PCDH15: variants seen among roughly 807,000 people sequenced by gnomAD.
PCDH15 encodes protocadherin-15.
A neutral mutation model predicts 178.5 loss-of-function variants in PCDH15; 129 were observed. The ratio of observed to expected loss-of-function variants is 0.72; its 90% confidence interval spans 0.63 to 0.84. The LOEUF (loss-of-function observed/expected upper bound fraction) is 0.84, where lower values mean the gene tolerates loss of function less well. Among genes scored for constraint, PCDH15 ranks in the 40% least tolerant of loss-of-function variants. The pLI is 0.00. For missense variants in PCDH15, 2,230 were observed against 2,099.9 expected, an observed-to-expected ratio of 1.06 and a Z score of -1.21; for synonymous variants, 800 against 732.0, an observed-to-expected ratio of 1.09 and a Z score of -1.50.
chr10:54,091,869 C>T (rs969669603), intron 15 of PCDH15, among the ~76,000 whole-genome samples: 1 of 152,076 alleles, frequency 6.6e-6, no homozygotes, highest in Non-Finnish European at 1.5e-5. Context: ...ATTTAGTCAA[C>T]TCATTCAACA....
chr10:54,751,743 A>G (rs138278910), intron 1 of PCDH15, among the ~76,000 whole-genome samples: 1 of 152,278 alleles, frequency 6.6e-6, no homozygotes, highest in East Asian at 1.9e-4. Context: ...GTCCAATCTA[A>G]AGGATGAAAG....
chr10:54,903,750 A>G (rs1954677203), intron 2 of PCDH15, among the ~76,000 whole-genome samples: 1 of 152,144 alleles, frequency 6.6e-6, no homozygotes, highest in Non-Finnish European at 1.5e-5. Flanking sequence ...TTCTAAAACA[A>G]CTCAGAGGAA....
At chr10:55,428,845 T>A (rs1838818422) in intron 2 of PCDH15, among the ~76,000 whole-genome samples, 1 of 152,004 alleles carries the variant, frequency 6.6e-6, no homozygotes, top group African/African-American at 2.4e-5. Context: ...TTTCCTTTAT[T>A]GGCTTATTTT....
chr10:54,813,785 C>T (rs563785591), intron 3 of PCDH15, among the ~76,000 whole-genome samples: 3 of 152,284 alleles, frequency 2.0e-5, no homozygotes, highest in Admixed American at 6.5e-5. Context: ...GATTAAGTCA[C>T]ATCTCATTTA....
intron 2 of PCDH15, among the ~76,000 whole-genome samples, chr10:55,404,327 T>C (rs995623878): frequency 6.6e-6 from 1 of 152,012 alleles, no homozygotes; most frequent in Non-Finnish European, 1.5e-5. Flanking sequence ...GATATTATGA[T>C]TGATGAGACA....
At chr10:55,385,091 T>G (rs182076033) in intron 2 of PCDH15, among the ~76,000 whole-genome samples, 6 of 152,334 alleles carry the variant, frequency 3.9e-5, no homozygotes, top group Admixed American at 2.6e-4. Flanking sequence ...CATACCATTA[T>G]GATAAAACTC....
intron 2 of PCDH15, among the ~76,000 whole-genome samples, chr10:55,605,193 C>A (rs970064265): frequency 6.6e-6 from 1 of 151,464 alleles, no homozygotes; most frequent in Non-Finnish European, 1.5e-5. Flanking sequence ...AAGACTAAAC[C>A]AGGAAGAAGT....
intron 18 of PCDH15, among the ~76,000 whole-genome samples, chr10:54,027,595 A>T (rs1208025421): frequency 6.3e-4 from 94 of 148,668 alleles, no homozygotes; most frequent in Non-Finnish European, 1.1e-3. Context: ...AAACAGAGAT[A>T]TAGATCAATG....
intron 3 of PCDH15, among the ~76,000 whole-genome samples, chr10:54,491,067 A>G (rs751082691): frequency 1.3e-5 from 2 of 152,168 alleles, no homozygotes; most frequent in Non-Finnish European, 2.9e-5. Context: ...GTATAAGGGA[A>G]AGGCAGCTAT....
At chr10:54,590,480 G>A (rs1301349614) in intron 2 of PCDH15, among the ~76,000 whole-genome samples, 1 of 152,114 alleles carries the variant, frequency 6.6e-6, no homozygotes, top group Non-Finnish European at 1.5e-5. Context: ...AGAATACAGA[G>A]GTTTACACAT....
chr10:54,136,441 G>A (rs958047994), intron 14 of PCDH15, among the ~76,000 whole-genome samples: 9 of 148,384 alleles, frequency 6.1e-5, no homozygotes, highest in African/African-American at 2.2e-4. Flanking sequence ...CTGCAGATTC[G>A]AAGCTTTCTT....
At chr10:54,707,632 T>G (rs1403215035) in intron 1 of PCDH15, among the ~76,000 whole-genome samples, 1 of 152,216 alleles carries the variant, frequency 6.6e-6, no homozygotes, top group Non-Finnish European at 1.5e-5. Flanking sequence ...CCTGCATTTA[T>G]TTCAAAATAA....
intron 8 of PCDH15, among the ~76,000 whole-genome samples, chr10:54,292,303 G>A (rs1262516161): frequency 6.6e-6 from 1 of 152,054 alleles, no homozygotes; most frequent in East Asian, 1.9e-4. Flanking sequence ...AATAAATCAG[G>A]TATTGATGGG....
chr10:55,553,292 C>T (rs1326013739), intron 2 of PCDH15, among the ~76,000 whole-genome samples: 1 of 150,988 alleles, frequency 6.6e-6, no homozygotes, highest in Non-Finnish European at 1.5e-5. Flanking sequence ...GTACGCAAAG[C>T]AAATGTGAAG....
At chr10:55,328,176 TACACATAC>T (rs1161349722) in intron 2 of PCDH15, among the ~76,000 whole-genome samples, 4 of 151,822 alleles carry the variant, frequency 2.6e-5, no homozygotes, top group Admixed American at 6.6e-5. Flanking sequence ...AAATTGTATA[TACACATAC>T]ACACATACAC....
At chr10:54,276,085 T>TA (rs112121924) in intron 8 of PCDH15, among the ~76,000 whole-genome samples, 9,942 of 150,792 alleles carry the variant, frequency 0.066, 1,094 homozygotes, top group African/African-American at 0.23. Flanking sequence ...GGTATTTAAA[T>TA]AAAAAAAAGA....
At chr10:55,156,448 G>C (rs1479101095) in intron 2 of PCDH15, among the ~76,000 whole-genome samples, 2 of 152,044 alleles carry the variant, frequency 1.3e-5, no homozygotes, top group African/African-American at 2.4e-5. Context: ...GCTGATTTTT[G>C]ACCAATTGGC....
At chr10:55,512,732 T>C (rs1393106140) in intron 2 of PCDH15, 1 of 152,124 alleles carries the variant, frequency 6.6e-6, no homozygotes, top group Non-Finnish European at 1.5e-5. Context: ...GAAGGATTAG[T>C]ATATCATATT....
intron 2 of PCDH15, among the ~76,000 whole-genome samples, chr10:55,615,272 A>G (rs1465518184): frequency 6.6e-6 from 1 of 152,196 alleles, no homozygotes; most frequent in Non-Finnish European, 1.5e-5. Context: ...TGAAAATAAG[A>G]CATCAAAACT....
Sources: allele counts gnomAD v4.1 joint callset (sites outside exome capture counted in the v4.1 genomes callset), GRCh38; gene constraint gnomAD v4.1.1; transcripts MANE v1.5; gene names NCBI Gene and HGNC (gene_info 2026-07-23, HGNC 2026-07-21).